FNDC1: variants seen among roughly 807,000 people sequenced by gnomAD.
FNDC1 encodes the protein fibronectin type III domain-containing protein 1.
In FNDC1, 96 loss-of-function variants were observed where a neutral mutation model predicts 168.0. The observed-to-expected ratio is 0.57, with a 90% CI of 0.48 to 0.68. The LOEUF is 0.68. Ranked by LOEUF, FNDC1 falls within the 30% of genes least tolerant of loss-of-function variation. FNDC1 has a pLI of 0.00. For synonymous variants in FNDC1, 1,099 were observed against 1,025.9 expected, an observed-to-expected ratio of 1.07 and a Z score of -1.36; for missense variants, 2,587 against 2,482.1, an observed-to-expected ratio of 1.04 and a Z score of -0.90.
chr6:159,172,152 A>C (rs547203262), intron 1 of FNDC1, among the ~76,000 whole-genome samples: 1 of 152,340 alleles, frequency 6.6e-6, no homozygotes, highest in East Asian at 1.9e-4. Context: ...ATGTCTTTTT[A>C]ATAGTGTAAA....
In FNDC1 at chr6:159,236,065, T is replaced by A. The variant is rs985527997; in HGVS notation, c.3968-150T>A. 1.0e-5 allele frequency: 6 copies of A among 576,272 alleles called. No homozygotes were observed. In the African/African-American group the frequency reaches 1.1e-4, roughly 11 times the overall value. The allele number at this position is 576,272 out of a possible 1,614,324, so 35.7% of individuals were successfully genotyped here. A position where few individuals can be genotyped will look rare whatever the true frequency, so the allele number is the denominator to read the frequency against. Reference sequence around the variant, plus strand: ...AGAAGTCATAATTTGAGACTATCATTATCTAATATATTTGAGCTATTGGTT... The same window carrying A: ...AGAAGTCATAATTTGAGACTATCATAATCTAATATATTTGAGCTATTGGTT... On this transcript the variant is annotated intron_variant, in intron 11 of 22. Coordinates refer to ENST00000297267, the MANE Select transcript of FNDC1 (RefSeq NM_032532.3).
At chr6:159,197,299 A>G (rs576190184) in intron 1 of FNDC1, 132 bp from the exon 2 acceptor site, 1 of 831,802 alleles carries the variant, frequency 1.2e-6, no homozygotes, top group Admixed American at 2.8e-5. Context: ...ATACATGACT[A>G]TCCTTAAAGT....
At chr6:159,269,574 C>CCAT (rs1777694885) in intron 22 of FNDC1, among the ~76,000 whole-genome samples, 2 of 145,412 alleles carry the variant, frequency 1.4e-5, no homozygotes, top group African/African-American at 5.2e-5. Context: ...ATCCATCTAT[C>CCAT]CTATCTGTCT....
intron 7 of FNDC1, among the ~76,000 whole-genome samples, chr6:159,224,240 A>C (rs951196436): frequency 5.3e-5 from 8 of 152,254 alleles, no homozygotes; most frequent in Non-Finnish European, 1.0e-4. Context: ...AACAGCAATA[A>C]AAGGCAAACC....
At chr6:159,254,764 C>G (rs1777339066) in intron 17 of FNDC1, among the ~76,000 whole-genome samples, 1 of 151,276 alleles carries the variant, frequency 6.6e-6, no homozygotes, top group Non-Finnish European at 1.5e-5. Context: ...CTTCCCATTC[C>G]CAAATCTGGC....
intron 19 of FNDC1, 104 bp from the exon 20 acceptor site, chr6:159,264,871 C>A (rs1777557413): frequency 3.4e-6 from 3 of 892,064 alleles, no homozygotes; most frequent in African/African-American, 1.7e-5. Flanking sequence ...TTATCTTTTT[C>A]TTTATTCTAA....
At chr6:159,171,498 G>A (rs1295321959) in intron 1 of FNDC1, among the ~76,000 whole-genome samples, 1 of 152,118 alleles carries the variant, frequency 6.6e-6, no homozygotes, top group African/African-American at 2.4e-5. Context: ...AGCTGCTTGT[G>A]TCAAGCTCTC....
chr6:159,246,838 G>A, intron 14 of FNDC1, 63 bp from the exon 15 acceptor site: 1 of 1,190,402 alleles, frequency 8.4e-7, no homozygotes, highest in African/African-American at 1.5e-5. Flanking sequence ...TCTGGGGCCT[G>A]CTTCTGAGAG....
At chr6:159,256,958 T>C (rs761923942) in intron 18 of FNDC1, among the ~76,000 whole-genome samples, 3 of 152,244 alleles carry the variant, frequency 2.0e-5, no homozygotes, top group Non-Finnish European at 4.4e-5. Flanking sequence ...GCACTAGGCA[T>C]CATGACCTTC....
Position 159,223,316 on chromosome 6 carries a change from T to C in FNDC1, c.767-212T>C, listed in dbSNP as rs562783114. On this transcript the variant is annotated intron_variant, in intron 6 of 22. Transcript: ENST00000297267. The stretch of plus-strand genomic sequence containing the variant: ...TGGCCGAAATGCTCATTTCTTAGCC[T>C]GTATTTAAGAAATGCAAGACTGAGA... 1.6e-4 allele frequency among the ~76,000 whole-genome samples: 25 copies of C among 152,024 alleles called. No homozygotes were observed. The South Asian group carries it at 5.2e-3, about 32-fold the overall frequency.
In FNDC1 at chr6:159,231,931, A is replaced by C; in HGVS notation, c.1419A>C (p.Glu473Asp). The change falls in exon 11 of 23, where the codon GAA (glutamate) becomes GAC (aspartate). Residue 473 changes from glutamate to aspartate, a missense_variant. Coordinates refer to ENST00000297267, the MANE Select transcript of FNDC1 (RefSeq NM_032532.3). The stretch of plus-strand genomic sequence containing the variant: ...ACACGGAGGACAATGGGAAACCCGA[A>C]AAACCTGAGCCTTCCTCACCTTCTC... The part of the protein sequence containing the change: ...EQNTEDNGKP[E>D]KPEPSSPSPR... 3 of 1,613,252 alleles carry C rather than the reference A, an allele frequency of 1.9e-6. No homozygotes were observed. The highest frequency in any genetic ancestry group is 2.5e-6 in the Non-Finnish European group (3 of 1,179,724).
intron 20 of FNDC1, 131 bp from the exon 21 acceptor site, chr6:159,265,949 CACAA>C (rs71880513): frequency 0.67 from 560,397 of 830,664 alleles, 195,214 homozygotes; most frequent in Middle Eastern, 0.73. Context: ...CAAACAACAA[CACAA>C]ACAAACAAAC....
At position 159,261,124 on chromosome 6, in the gene FNDC1, AG is replaced by A; in HGVS notation, c.5175-65del. 21 of 1,240,826 alleles carry A rather than the reference AG, an allele frequency of 1.7e-5. 2 individuals are homozygous for A. The Middle Eastern group carries it at 9.5e-4, about 56-fold the overall frequency. 76.9% of individuals were successfully genotyped at this position (1,240,826 alleles called of 1,614,324 possible). Reference sequence around the variant, plus strand: ...CGGTTCAGGTGTTCAGTAGTTTGGGAGTCTGTTTTGTTACACAGAAATCAAA... The same window carrying A: ...CGGTTCAGGTGTTCAGTAGTTTGGGATCTGTTTTGTTACACAGAAATCAAA... On this transcript the variant is annotated intron_variant, in intron 18 of 22. Transcript: ENST00000297267.
At chr6:159,219,706 T>G (rs950839319) in intron 5 of FNDC1, among the ~76,000 whole-genome samples, 2 of 151,986 alleles carry the variant, frequency 1.3e-5, no homozygotes, top group Non-Finnish European at 2.9e-5. Context: ...GTTTCAAGAG[T>G]GCAGCAAATC....
intron 4 of FNDC1, among the ~76,000 whole-genome samples, chr6:159,210,661 G>A (rs1049630765): frequency 6.6e-6 from 1 of 152,214 alleles, no homozygotes; most frequent in Non-Finnish European, 1.5e-5. Flanking sequence ...CAGGAAGAAC[G>A]AGCCTGTGGT....
chr6:159,257,013 C>T (rs1197999432), intron 18 of FNDC1, among the ~76,000 whole-genome samples: 1 of 152,236 alleles, frequency 6.6e-6, no homozygotes, highest in Non-Finnish European at 1.5e-5. Flanking sequence ...TAAATGAACT[C>T]GTTCCCAAAC....
In FNDC1 at chr6:159,271,436, G is replaced by C; in HGVS notation, c.5679G>C (p.Lys1893Asn). The change falls in exon 23 of 23, where the codon AAG becomes AAC. Residue 1893 changes from lysine to asparagine, a missense_variant. By Grantham distance (94) the Lys-to-Asn change is moderately conservative. Coordinates refer to ENST00000297267, the MANE Select transcript of FNDC1 (RefSeq NM_032532.3). Reference sequence around the variant, plus strand: ...AGTGTGGGGTCTCCATCCCTGGAAAGTGGTAATCACAGGACCGTCATGCTG... The same window carrying C: ...AGTGTGGGGTCTCCATCCCTGGAAACTGGTAATCACAGGACCGTCATGCTG... The part of the protein sequence containing the change: ...WYECGVSIPG[K>N]W 1.2e-6 allele frequency: 2 copies of C among 1,606,854 alleles called. No homozygotes were observed. The highest frequency in any genetic ancestry group is 1.7e-6 in the Non-Finnish European group (2 of 1,176,418).
At chr6:159,262,926 A>ACTGTCAT (rs1761785576) in intron 19 of FNDC1, among the ~76,000 whole-genome samples, 1 of 152,236 alleles carries the variant, frequency 6.6e-6, no homozygotes, top group South Asian at 2.1e-4. Flanking sequence ...AGTTTATTCA[A>ACTGTCAT]GTTTCTCCTT....
In FNDC1 at chr6:159,240,496, C is replaced by T. The variant is rs905485199; in HGVS notation, c.4621+539C>T. Among the ~76,000 whole-genome samples the T allele has an allele frequency of 5.3e-5, 8 of 152,178 alleles. No individual in the cohort carries two copies. In the East Asian group the frequency reaches 7.7e-4, roughly 15 times the overall value. On this transcript the variant is annotated intron_variant, in intron 14 of 22. Coordinates refer to ENST00000297267, the MANE Select transcript of FNDC1 (RefSeq NM_032532.3). ...AAAAGGAATGTTTCCCTAGCATGTTCGGCAGCTGAGCACTTTTTTGATCAG... is the reference window on the plus strand; with the variant it reads ...AAAAGGAATGTTTCCCTAGCATGTTTGGCAGCTGAGCACTTTTTTGATCAG...
Sources: gnomAD v4.1 joint callset for allele counts (sites outside exome capture counted in the v4.1 genomes callset) on GRCh38, gnomAD v4.1.1 for gene constraint, MANE v1.5 for transcripts, NCBI Gene and HGNC (gene_info 2026-07-23, HGNC 2026-07-21) for gene names.